The following ACOXL variants were observed in gnomAD, a reference collection of about 807,000 sequenced individuals.
ACOXL encodes acyl-CoA oxidase like.
ACOXL carries 70 observed loss-of-function variants against 71.9 expected under a neutral mutation model. That is an observed-to-expected ratio of 0.97 (90% CI 0.80 to 1.19). ACOXL has a LOEUF of 1.19. Ranked by LOEUF, ACOXL falls within the 50% of genes most tolerant of loss-of-function variation. The pLI is 0.00. For synonymous variants in ACOXL, 253 were observed against 281.6 expected (o/e 0.90, Z 1.02); for missense variants, 703 against 736.3 (o/e 0.95, Z 0.52).
chr2:110,948,922 G>A (rs1038742564), intron 12 of ACOXL, among the ~76,000 whole-genome samples: 1 of 151,988 alleles, frequency 6.6e-6, no homozygotes, highest in African/African-American at 2.4e-5. Flanking sequence ...TAACATAGAT[G>A]GTGTTTGTTT....
intron 1 of ACOXL, among the ~76,000 whole-genome samples, chr2:110,751,423 G>A (rs888180419): frequency 4.6e-5 from 7 of 151,226 alleles, no homozygotes; most frequent in African/African-American, 1.7e-4. Flanking sequence ...GCTTTATCAC[G>A]TATTTGCCCA....
chr2:110,980,870 G>T (rs2062678231), intron 12 of ACOXL, among the ~76,000 whole-genome samples: 4 of 152,338 alleles, frequency 2.6e-5, no homozygotes, highest in South Asian at 4.1e-4. Context: ...GAGAATTTAT[G>T]TCAAGTGTGA....
intron 16 of ACOXL, among the ~76,000 whole-genome samples, chr2:111,051,529 C>T (rs910970896): frequency 1.4e-4 from 21 of 152,100 alleles, no homozygotes; most frequent in Admixed American, 1.4e-3. Context: ...AGTGCAGTGG[C>T]GTGATCTTAG....
At chr2:110,734,479 C>A (rs1310788324) in intron 1 of ACOXL, among the ~76,000 whole-genome samples, 1 of 152,054 alleles carries the variant, frequency 6.6e-6, no homozygotes, top group East Asian at 1.9e-4. Flanking sequence ...CCGTGTTGGC[C>A]AGGCTGGTCT....
At chr2:110,742,279 GTGC>G (rs1414761542) in intron 1 of ACOXL, among the ~76,000 whole-genome samples, 1 of 152,194 alleles carries the variant, frequency 6.6e-6, no homozygotes, top group African/African-American at 2.4e-5. Context: ...AATTATTGTA[GTGC>G]TGCTCTGTAC....
intron 14 of ACOXL, among the ~76,000 whole-genome samples, chr2:110,997,015 T>C (rs2063425900): frequency 6.6e-6 from 1 of 152,160 alleles, no homozygotes; most frequent in Non-Finnish European, 1.5e-5. Flanking sequence ...ACGCATTCAG[T>C]TGGGTTTAAA....
chr2:111,056,092 T>G (rs1574623930), intron 16 of ACOXL, among the ~76,000 whole-genome samples: 1 of 152,170 alleles, frequency 6.6e-6, no homozygotes, highest in South Asian at 2.1e-4. Context: ...GGGAAAAGAT[T>G]TGGAGGCTAA....
At chr2:111,110,499 T>G (rs1380883609) in intron 17 of ACOXL, among the ~76,000 whole-genome samples, 1 of 152,226 alleles carries the variant, frequency 6.6e-6, no homozygotes, top group Non-Finnish European at 1.5e-5. Flanking sequence ...AGCAAAATTC[T>G]GGGTTGAGGG....
At chr2:110,932,193 A>G (rs1317409445) in intron 11 of ACOXL, among the ~76,000 whole-genome samples, 1 of 152,218 alleles carries the variant, frequency 6.6e-6, no homozygotes, top group Non-Finnish European at 1.5e-5. Context: ...CTGCAATTCC[A>G]TTTACTTAAA....
At chr2:111,053,122 A>G (rs1208949894) in intron 16 of ACOXL, among the ~76,000 whole-genome samples, 3 of 152,054 alleles carry the variant, frequency 2.0e-5, no homozygotes, top group Admixed American at 6.5e-5. Flanking sequence ...AAATTAGACC[A>G]CCCCAAAGAC....
intron 7 of ACOXL, 144 bp downstream of exon 7, chr2:110,799,244 C>T (rs115677711): frequency 0.023 from 17,081 of 733,598 alleles, 223 homozygotes; most frequent in Middle Eastern, 0.03. Flanking sequence ...ATTTTGAAGC[C>T]TCATGAAGTC....
At chr2:110,953,185 TAC>T (rs1300057343) in intron 12 of ACOXL, among the ~76,000 whole-genome samples, 1 of 152,154 alleles carries the variant, frequency 6.6e-6, no homozygotes, top group African/African-American at 2.4e-5. Flanking sequence ...TTAAGCAAGT[TAC>T]CCAAGATCAC....
intron 12 of ACOXL, among the ~76,000 whole-genome samples, chr2:110,947,244 A>G (rs1005307496): frequency 4.6e-5 from 7 of 152,208 alleles, no homozygotes; most frequent in Non-Finnish European, 5.9e-5. Flanking sequence ...GACTGTTGAT[A>G]TTTAGTTCTG....
intron 16 of ACOXL, among the ~76,000 whole-genome samples, chr2:111,081,688 G>T (rs1318860592): frequency 6.6e-6 from 1 of 152,012 alleles, no homozygotes; most frequent in East Asian, 1.9e-4. Flanking sequence ...ATTTCATATG[G>T]AACCAAAAAA....
At chr2:110,973,512 G>A (rs1372866067) in intron 12 of ACOXL, among the ~76,000 whole-genome samples, 1 of 152,168 alleles carries the variant, frequency 6.6e-6, no homozygotes, top group East Asian at 1.9e-4. Flanking sequence ...AAGGAAGTGA[G>A]CCCTCAGCAG....
chr2:111,093,106 A>C (rs992052019), intron 17 of ACOXL, 140 bp downstream of exon 17: 5 of 651,654 alleles, frequency 7.7e-6, no homozygotes, highest in Non-Finnish European at 1.3e-5. Flanking sequence ...GTATATTTTC[A>C]TTACCTATCA....
chr2:110,855,672 A>G (rs1199173702), intron 10 of ACOXL, among the ~76,000 whole-genome samples: 2 of 152,196 alleles, frequency 1.3e-5, no homozygotes. Flanking sequence ...TAAATGGAAA[A>G]TTTCAGAAAC....
chr2:111,084,575 G>A (rs983630174), intron 16 of ACOXL, among the ~76,000 whole-genome samples: 1 of 152,088 alleles, frequency 6.6e-6, no homozygotes, highest in Admixed American at 6.5e-5. Context: ...AAGCAACATT[G>A]TTCTCAATTG....
chr2:110,933,407 T>C (rs1347058714), intron 11 of ACOXL, 82 bp from the exon 12 acceptor site: 2 of 1,487,894 alleles, frequency 1.3e-6, no homozygotes, highest in Non-Finnish European at 1.8e-6. Context: ...AATAGCGTTA[T>C]AGCACTTCAC....
Sources: gnomAD v4.1 joint callset for allele counts (sites outside exome capture counted in the v4.1 genomes callset) on GRCh38, gnomAD v4.1.1 for gene constraint, MANE v1.5 for transcripts, NCBI Gene and HGNC (gene_info 2026-07-23, HGNC 2026-07-21) for gene names.